Variants in FER observed in about 807,000 individuals in gnomAD.
FER encodes the protein FER tyrosine kinase, also known as tyrosine-protein kinase Fer.
Under a neutral mutation model 111.0 loss-of-function variants are expected in FER, and 63 were observed. The observed-to-expected ratio is 0.57, with a 90% CI of 0.46 to 0.70. The LOEUF (loss-of-function observed/expected upper bound fraction) is 0.70, where lower values mean the gene tolerates loss of function less well. FER is among the 30% of genes least tolerant of loss of function. FER has a pLI of 0.00. For missense variants in FER, 914 were observed against 954.0 expected (o/e 0.96, Z 0.55); for synonymous variants, 327 against 313.9 (o/e 1.04, Z -0.44).
chr5:108,892,955 T>G (rs1748380845), intron 9 of FER, among the ~76,000 whole-genome samples: 1 of 152,216 alleles, frequency 6.6e-6, no homozygotes, highest in Non-Finnish European at 1.5e-5. Context: ...TTTTGTCAGG[T>G]TTGTCAAAGA....
chr5:109,067,489 A>AT (rs1012552821), intron 16 of FER, among the ~76,000 whole-genome samples: 3 of 150,940 alleles, frequency 2.0e-5, no homozygotes, highest in East Asian at 1.9e-4. Flanking sequence ...ACATCTTTTT[A>AT]TTTTTTATCA....
intron 17 of FER, among the ~76,000 whole-genome samples, chr5:109,125,201 TC>T (rs1406279883): frequency 2.0e-5 from 3 of 152,142 alleles, no homozygotes; most frequent in Non-Finnish European, 2.9e-5. Context: ...CTGTTTTTTT[TC>T]CTTTTATATA....
At chr5:108,786,511 C>G (rs774414764) in intron 2 of FER, among the ~76,000 whole-genome samples, 48 of 151,840 alleles carry the variant, frequency 3.2e-4, no homozygotes, top group Non-Finnish European at 5.6e-4. Context: ...TGTGTTTTTT[C>G]TTTTTTTGAG....
chr5:108,788,963 T>C (rs749468525), intron 2 of FER, among the ~76,000 whole-genome samples: 21 of 152,362 alleles, frequency 1.4e-4, no homozygotes, highest in Middle Eastern at 3.4e-3. Context: ...GCATTGACAT[T>C]GTCAATTCTA....
intron 13 of FER, among the ~76,000 whole-genome samples, chr5:108,973,271 G>A (rs1192091123): frequency 6.6e-6 from 1 of 152,046 alleles, no homozygotes; most frequent in Non-Finnish European, 1.5e-5. Flanking sequence ...CTGCTACCTT[G>A]TCCTTCAAGG....
intron 17 of FER, among the ~76,000 whole-genome samples, chr5:109,114,059 CA>C (rs1749946774): frequency 6.6e-6 from 1 of 152,066 alleles, no homozygotes; most frequent in Non-Finnish European, 1.5e-5. Context: ...GCTAAAGTGA[CA>C]TTCTTAGAAT....
intron 13 of FER, among the ~76,000 whole-genome samples, chr5:108,994,234 T>C (rs897754099): frequency 2.0e-5 from 3 of 152,214 alleles, no homozygotes; most frequent in African/African-American, 4.8e-5. Context: ...AGAGTTTTTA[T>C]AGTTTTGGGT....
chr5:109,080,131 T>G (rs1438132900), intron 16 of FER, among the ~76,000 whole-genome samples: 2 of 152,160 alleles, frequency 1.3e-5, no homozygotes, highest in African/African-American at 4.8e-5. Context: ...TGCTTGCTCA[T>G]TAAACTTATA....
At chr5:109,168,350 G>T (rs183176560) in intron 17 of FER, among the ~76,000 whole-genome samples, 1 of 152,052 alleles carries the variant, frequency 6.6e-6, no homozygotes, top group East Asian at 1.9e-4. Flanking sequence ...TTCAGGATGG[G>T]GCCTAGTCAC....
At chr5:109,160,512 T>G (rs1319170038) in intron 17 of FER, among the ~76,000 whole-genome samples, 1 of 152,206 alleles carries the variant, frequency 6.6e-6, no homozygotes, top group East Asian at 1.9e-4. Flanking sequence ...TGCAAAATAC[T>G]ATGTCTTCCC....
intron 13 of FER, among the ~76,000 whole-genome samples, chr5:108,994,838 C>A (rs2149760519): frequency 6.6e-6 from 1 of 152,146 alleles, no homozygotes; most frequent in East Asian, 1.9e-4. Context: ...CCCTTGTTAG[C>A]TGTATGCCTA....
chr5:108,788,383 C>T (rs13360253), intron 2 of FER, among the ~76,000 whole-genome samples: 35,727 of 151,902 alleles, frequency 0.24, 4,440 homozygotes, highest in African/African-American at 0.31. Flanking sequence ...GTGTGGGATC[C>T]AGGCCAGTAG....
chr5:108,954,747 A>G lies in FER; in HGVS notation c.1348A>G (p.Ile450Val). 1.9e-6 allele frequency: 3 copies of G among 1,599,866 alleles called. No individual in the cohort carries two copies. The highest frequency in any genetic ancestry group is 1.7e-6 in the Non-Finnish European group (2 of 1,172,814). Residue 450 changes from isoleucine to valine, a missense_variant, in exon 12 of 20, where the codon ATC (isoleucine) becomes GTC (valine). By Grantham distance (29) the Ile-to-Val change is conservative. This residue lies in a region of FER where 774 missense variants were observed against 782.6 expected (regional missense o/e 0.99). Transcript: ENST00000281092. Reference sequence around the variant, plus strand: ...GTTTAAGCTTTCTGATATGATCTCCATCAGTGAGAAGCCTTTGGCAGAACA... The same window carrying G: ...GTTTAAGCTTTCTGATATGATCTCCGTCAGTGAGAAGCCTTTGGCAGAACA... Reference protein sequence around the residue: ...GSSALSDMISISEKPLAEQDW... With the variant: ...GSSALSDMISVSEKPLAEQDW...
chr5:109,060,208 T>C (rs116266894), intron 16 of FER, among the ~76,000 whole-genome samples: 3,264 of 152,282 alleles, frequency 0.021, 106 homozygotes, highest in African/African-American at 0.074. Flanking sequence ...TTTGGAGTGA[T>C]GAAATTATTC....
intron 13 of FER, among the ~76,000 whole-genome samples, chr5:109,035,876 C>T (rs893068462): frequency 6.6e-6 from 1 of 152,124 alleles, no homozygotes; most frequent in Non-Finnish European, 1.5e-5. Flanking sequence ...GAAGTATCGT[C>T]TTATTGTGAT....
chr5:108,908,585 A>G (rs1440842946), intron 10 of FER, among the ~76,000 whole-genome samples: 1 of 152,172 alleles, frequency 6.6e-6, no homozygotes, highest in Admixed American at 6.5e-5. Context: ...TCTCTCTATT[A>G]AACTGTGTAG....
At chr5:108,999,754 T>C (rs1764477069) in intron 13 of FER, among the ~76,000 whole-genome samples, 1 of 151,888 alleles carries the variant, frequency 6.6e-6, no homozygotes, top group Non-Finnish European at 1.5e-5. Flanking sequence ...ATTATGTTAC[T>C]AGATTAGATT....
intron 5 of FER, among the ~76,000 whole-genome samples, chr5:108,844,505 A>C (rs969740323): frequency 2.6e-5 from 4 of 152,184 alleles, no homozygotes; most frequent in Non-Finnish European, 4.4e-5. Context: ...GTTAACATAC[A>C]ACAGACAGCA....
Position 109,004,731 on chromosome 5 carries a change from C to T in FER, c.1657-32691C>T, listed in dbSNP as rs1221249442. On this transcript the variant is annotated intron_variant, in intron 13 of 19. Coordinates refer to ENST00000281092, the MANE Select transcript of FER (RefSeq NM_005246.4). The stretch of plus-strand genomic sequence containing the variant: ...TAGTGTTTTCTATTATAATGTACTA[C>T]TGTTATAGTAACAAAAAAGTCAAAA... Among the ~76,000 whole-genome samples, 6 of 152,044 alleles carry T rather than the reference C, an allele frequency of 3.9e-5. No homozygotes were observed. The East Asian group carries it at 7.7e-4, about 20-fold the overall frequency.
Sources: allele counts gnomAD v4.1 joint callset (sites outside exome capture counted in the v4.1 genomes callset), GRCh38; gene constraint gnomAD v4.1.1; regional missense constraint gnomAD v4.1.1; transcripts MANE v1.5; gene names NCBI Gene and HGNC (gene_info 2026-07-23, HGNC 2026-07-21).